The following UNC80 variants were observed in gnomAD, a reference collection of about 807,000 sequenced individuals.
UNC80 encodes the protein protein unc-80 homolog.
Under a neutral mutation model 384.6 loss-of-function variants are expected in UNC80, and 164 were observed. That is an observed-to-expected ratio of 0.43 (90% CI 0.38 to 0.49). UNC80 has a LOEUF of 0.49. UNC80 is among the 20% of genes least tolerant of loss of function. The pLI, the probability that UNC80 is intolerant of heterozygous loss-of-function variation, is 0.00. For synonymous variants in UNC80, 1,486 were observed against 1,527.8 expected (o/e 0.97, Z 0.64); for missense variants, 3,330 against 4,143.0 (o/e 0.80, Z 5.39).
At chr2:209,810,050 G>A (rs1280271388) in intron 7 of UNC80, among the ~76,000 whole-genome samples, 1 of 152,172 alleles carries the variant, frequency 6.6e-6, no homozygotes, top group Non-Finnish European at 1.5e-5. Context: ...TCCACCCCCA[G>A]TTTCAGCCAT....
At chr2:209,922,160 G>C in intron 34 of UNC80, 92 bp from the exon 35 acceptor site, 1 of 1,395,496 alleles carries the variant, frequency 7.2e-7, no homozygotes, top group Non-Finnish European at 9.8e-7. Flanking sequence ...TATGGTCTGA[G>C]AGCAGTATGC....
chr2:209,832,454 G>C (rs1011492378), intron 16 of UNC80, among the ~76,000 whole-genome samples: 1 of 152,126 alleles, frequency 6.6e-6, no homozygotes, highest in Admixed American at 6.5e-5. Context: ...TATCCTACCA[G>C]TCTGTTAGAT....
intron 36 of UNC80, among the ~76,000 whole-genome samples, chr2:209,929,124 G>A (rs979551395): frequency 3.3e-5 from 5 of 151,936 alleles, no homozygotes; most frequent in African/African-American, 1.2e-4. Flanking sequence ...TCAAAATTTG[G>A]TATCATTTAT....
intron 28 of UNC80, among the ~76,000 whole-genome samples, chr2:209,897,319 C>G (rs760390957): frequency 6.6e-6 from 1 of 152,224 alleles, no homozygotes; most frequent in Non-Finnish European, 1.5e-5. Flanking sequence ...AGAAATCCTA[C>G]GCAGGTCCTC....
chr2:209,923,081 C>T (rs574554396), intron 35 of UNC80, among the ~76,000 whole-genome samples: 8 of 152,224 alleles, frequency 5.3e-5, no homozygotes, highest in African/African-American at 1.9e-4. Context: ...TATTTTCTCC[C>T]ATTTCGTAGT....
At chr2:209,848,968 GA>G (rs145128121) in intron 21 of UNC80, among the ~76,000 whole-genome samples, 261 of 152,202 alleles carry the variant, frequency 1.7e-3, no homozygotes, top group Non-Finnish European at 3.2e-3. Context: ...CTGTAACTGA[GA>G]AAAGGTTTTT....
intron 25 of UNC80, 76 bp from the exon 26 acceptor site, chr2:209,888,019 G>C: frequency 7.0e-7 from 1 of 1,431,982 alleles, no homozygotes; most frequent in African/African-American, 1.4e-5. Flanking sequence ...AATTCAAAAT[G>C]GTGGGAGGCT....
intron 22 of UNC80, among the ~76,000 whole-genome samples, chr2:209,866,750 T>G (rs2083864688): frequency 6.6e-6 from 1 of 152,232 alleles, no homozygotes; most frequent in African/African-American, 2.4e-5. Flanking sequence ...TAATCAACTT[T>G]CATCATCTAA....
At chr2:209,772,919 C>T (rs1462732844) in intron 1 of UNC80, among the ~76,000 whole-genome samples, 175 bp from the exon 2 acceptor site, 1 of 152,034 alleles carries the variant, frequency 6.6e-6, no homozygotes, top group East Asian at 1.9e-4. Context: ...TGCAATTACA[C>T]GTGTAAAAGA....
chr2:209,960,507 G>T (rs2092556521), intron 51 of UNC80, among the ~76,000 whole-genome samples: 1 of 152,204 alleles, frequency 6.6e-6, no homozygotes, highest in South Asian at 2.1e-4. Flanking sequence ...GGTAACAAAA[G>T]ATTCACTTGG....
chr2:209,880,110 T>G (rs912305802), intron 24 of UNC80, among the ~76,000 whole-genome samples: 1 of 152,172 alleles, frequency 6.6e-6, no homozygotes, highest in African/African-American at 2.4e-5. Context: ...CTTTGATTTT[T>G]TCTGAACACG....
intron 61 of UNC80, among the ~76,000 whole-genome samples, chr2:209,989,211 G>A (rs2125029655): frequency 1.3e-5 from 2 of 151,246 alleles, no homozygotes; most frequent in Middle Eastern, 3.4e-3. Flanking sequence ...TGTAATCTCA[G>A]CTTCTTAGGA....
chr2:209,895,669 A>G (rs763995377), intron 27 of UNC80, among the ~76,000 whole-genome samples: 13 of 152,344 alleles, frequency 8.5e-5, no homozygotes, highest in Non-Finnish European at 1.5e-4. Flanking sequence ...AAAAAGATCT[A>G]TAAAAGATTT....
chr2:209,789,206 C>T (rs537312264), intron 5 of UNC80, among the ~76,000 whole-genome samples: 1 of 149,794 alleles, frequency 6.7e-6, no homozygotes, highest in African/African-American at 2.5e-5. Flanking sequence ...TGATGCATGA[C>T]TGTATATGTA....
chr2:209,904,308 T>C (rs1336497928), intron 28 of UNC80, among the ~76,000 whole-genome samples: 5 of 152,204 alleles, frequency 3.3e-5, no homozygotes, highest in Admixed American at 3.3e-4. Context: ...GGAAATGTTT[T>C]CAAGTCCCAC....
intron 22 of UNC80, among the ~76,000 whole-genome samples, chr2:209,852,576 G>C (rs1341593198): frequency 6.6e-6 from 1 of 152,130 alleles, no homozygotes; most frequent in Non-Finnish European, 1.5e-5. Flanking sequence ...GCTATGGAAA[G>C]TGAAGGAACT....
chr2:209,910,317 T>G (rs1255142683), intron 29 of UNC80, among the ~76,000 whole-genome samples: 1 of 151,872 alleles, frequency 6.6e-6, no homozygotes, highest in African/African-American at 2.4e-5. Flanking sequence ...TCCTGCTCCT[T>G]CCAGTAGTCT....
intron 36 of UNC80, among the ~76,000 whole-genome samples, chr2:209,927,863 G>C (rs1342074537): frequency 6.6e-6 from 1 of 152,046 alleles, no homozygotes; most frequent in Non-Finnish European, 1.5e-5. Flanking sequence ...AAAATATTTA[G>C]AAAGACTTTA....
intron 53 of UNC80, 130 bp downstream of exon 53, chr2:209,970,021 G>C: frequency 1.7e-6 from 2 of 1,191,224 alleles, no homozygotes; most frequent in Non-Finnish European, 2.3e-6. Flanking sequence ...CGGCTCAGGT[G>C]ACACTGAAAA....
Sources: allele counts gnomAD v4.1 joint callset (sites outside exome capture counted in the v4.1 genomes callset), GRCh38; gene constraint gnomAD v4.1.1; transcripts MANE v1.5; gene names NCBI Gene and HGNC (gene_info 2026-07-23, HGNC 2026-07-21).